The following TULP4 variants were observed in gnomAD, a reference collection of about 807,000 sequenced individuals.
TULP4 encodes the protein TUB like protein 4, also known as tubby-related protein 4.
TULP4 carries 16 observed loss-of-function variants against 129.0 expected under a neutral mutation model. The ratio of observed to expected loss-of-function variants is 0.12; its 90% confidence interval spans 0.08 to 0.19. The LOEUF (loss-of-function observed/expected upper bound fraction) is 0.19, where lower values mean the gene tolerates loss of function less well. Ranked by LOEUF, TULP4 falls within the 10% of genes least tolerant of loss-of-function variation. The pLI is 1.00. For missense variants in TULP4, 1,842 were observed against 2,059.1 expected (o/e 0.89, Z 2.04); for synonymous variants, 998 against 854.0 (o/e 1.17, Z -2.94).
intron 2 of TULP4, among the ~76,000 whole-genome samples, chr6:158,425,563 C>T (rs1162822951): frequency 2.7e-5 from 4 of 147,518 alleles, no homozygotes; most frequent in African/African-American, 1.0e-4. Context: ...TGTAAAATGA[C>T]GTAACCACTT....
In TULP4 at chr6:158,502,754, C is replaced by T. The variant is rs750760884; in HGVS notation, c.3091C>T (p.Pro1031Ser). ...GVVTQLPARP[P>S]PALYTCSQCS... ...GGTGACACAGCTCCCAGCGCGGCCC[C>T]CACCTGCCCTGTACACCTGCAGTCA... is the stretch of plus-strand genomic sequence containing the variant. Residue 1031 changes from proline to serine, a missense_variant, in exon 13 of 14, where the codon CCA (proline) becomes TCA (serine). By Grantham distance (74) the Pro-to-Ser change is moderately conservative. Around this residue, in one of 5 missense-constraint regions of TULP4, gnomAD observed 1,089 missense variants for 987.1 expected, o/e 1.10. Transcript: ENST00000367097. 2.3e-5 allele frequency: 37 copies of T among 1,592,676 alleles called. No individual in the cohort carries two copies. The highest frequency in any genetic ancestry group is 3.2e-5 in the Non-Finnish European group (37 of 1,171,590).
chr6:158,454,077 T>C (rs1312649211), intron 5 of TULP4, among the ~76,000 whole-genome samples: 1 of 142,384 alleles, frequency 7.0e-6, no homozygotes, highest in Non-Finnish European at 1.5e-5. Context: ...TAGAAACATA[T>C]TACATACCCT....
chr6:158,334,532 AAT>A (rs926024229), intron 1 of TULP4, among the ~76,000 whole-genome samples: 36 of 152,308 alleles, frequency 2.4e-4, no homozygotes, highest in African/African-American at 8.7e-4. Context: ...GACATGAGTA[AAT>A]AAGTTTTAGG....
chr6:158,375,540 G>A (rs1777164159), intron 1 of TULP4, among the ~76,000 whole-genome samples: 1 of 152,124 alleles, frequency 6.6e-6, no homozygotes, highest in Non-Finnish European at 1.5e-5. Context: ...GTTTCCTCTG[G>A]GGATGGAAGA....
At chr6:158,356,974 C>T (rs1780663417) in intron 1 of TULP4, among the ~76,000 whole-genome samples, 1 of 152,162 alleles carries the variant, frequency 6.6e-6, no homozygotes, top group Admixed American at 6.5e-5. Context: ...GGGGTAGGCA[C>T]TTCCATTTCC....
In TULP4 at chr6:158,243,847, G is replaced by GGTTGT. The variant is rs1554273473; in HGVS notation, n.68+11546_68+11547insTGTGT. Among the ~76,000 whole-genome samples the GGTTGT allele has an allele frequency of 1.3e-4, 18 of 143,604 alleles. No individual in the cohort carries two copies. The South Asian group carries it at 4.1e-3, about 33-fold the overall frequency. The allele number at this position is 143,604 out of a possible 152,430, so 94.2% of individuals were successfully genotyped here. A position where few individuals can be genotyped will look rare whatever the true frequency, so the allele number is the denominator to read the frequency against. Reference sequence around the variant, plus strand: ...TGTCATTTAGTTATTAGCTGAAATAGGTGTGTGTGTGTGTGTGTGTGTGTG... The same window carrying GGTTGT: ...TGTCATTTAGTTATTAGCTGAAATAGGTTGTGTGTGTGTGTGTGTGTGTGTGTGTG... On this transcript the variant is annotated intron_variant and non_coding_transcript_variant, in intron 1 of 1. Coordinates refer to the TULP4 transcript ENST00000620026.
intron 1 of TULP4, among the ~76,000 whole-genome samples, chr6:158,292,008 A>C (rs1778950703): frequency 6.6e-6 from 1 of 152,116 alleles, no homozygotes; most frequent in Admixed American, 6.5e-5. Flanking sequence ...ATGGTGACTT[A>C]TTTTGTGTGT....
Position 158,481,115 on chromosome 6 carries a change from G to T in TULP4, c.1312G>T (p.Glu438Ter). ...DFVSYPSAGN[E>*]RLHCTMKRTE... Reference sequence around the variant, plus strand: ...TGTCAGCTACCCATCAGCCGGCAACGAGCGGCTGCACTGCACCATGAAGCG... The same window carrying T: ...TGTCAGCTACCCATCAGCCGGCAACTAGCGGCTGCACTGCACCATGAAGCG... The change falls in exon 8 of 14, where the codon GAG (glutamate) becomes TAG (stop). Residue 438 changes from glutamate to a stop codon, truncating the protein, a stop_gained. Coordinates refer to ENST00000367097, the MANE Select transcript of TULP4 (RefSeq NM_020245.5). LOFTEE classifies it high-confidence loss of function. The T allele has an allele frequency of 6.2e-7, 1 of 1,601,184 alleles. No individual in the cohort carries two copies. Among genetic ancestry groups the T allele is most frequent in the South Asian group, 1.1e-5 (1 of 90,714 alleles).
At chr6:158,341,513 C>G (rs369224765) in intron 1 of TULP4, among the ~76,000 whole-genome samples, 3 of 152,168 alleles carry the variant, frequency 2.0e-5, no homozygotes, top group East Asian at 3.8e-4. Flanking sequence ...ATTCTCCATA[C>G]TAAACGTTCC....
At chr6:158,457,349 A>C (rs1483094871) in intron 5 of TULP4, among the ~76,000 whole-genome samples, 1 of 152,172 alleles carries the variant, frequency 6.6e-6, no homozygotes, top group East Asian at 1.9e-4. Flanking sequence ...CCTCTTCTGC[A>C]TCAGCCAGCA....
chr6:158,401,762 G>A (rs931098283), intron 1 of TULP4, among the ~76,000 whole-genome samples: 1 of 151,788 alleles, frequency 6.6e-6, no homozygotes, highest in African/African-American at 2.4e-5. Flanking sequence ...GACTAGCTCT[G>A]TACTTTTGGA....
At chr6:158,443,059 C>G (rs1259793058) in intron 3 of TULP4, among the ~76,000 whole-genome samples, 1 of 152,154 alleles carries the variant, frequency 6.6e-6, no homozygotes, top group Non-Finnish European at 1.5e-5. Context: ...TCTTGGCTCA[C>G]TGCAACCTCC....
chr6:158,337,583 C>T (rs988238507), intron 1 of TULP4, among the ~76,000 whole-genome samples: 4 of 152,190 alleles, frequency 2.6e-5, no homozygotes, highest in African/African-American at 9.6e-5. Context: ...TGATTCCCTT[C>T]CTGGAATTAA....
rs1779114291 is a variant in TULP4, at chr6:158,449,193, C to T, written c.724+17C>T. 3.7e-6 allele frequency: 6 copies of T among 1,601,586 alleles called. No homozygotes were observed. Among genetic ancestry groups the T allele is most frequent in the Non-Finnish European group, 5.1e-6 (6 of 1,173,408 alleles). ...CTCCCCAAGGTACTCATTGGCCCTA[C>T]TTTCCTTGTCACTGACCAGAAGGAC... On this transcript the variant is annotated intron_variant, in intron 4 of 13. Transcript: ENST00000367097.
At chr6:158,372,422 A>G (rs1777094599) in intron 1 of TULP4, among the ~76,000 whole-genome samples, 1 of 151,998 alleles carries the variant, frequency 6.6e-6, no homozygotes. Flanking sequence ...AGACTTACTG[A>G]GTTATGTAAT....
intron 1 of TULP4, among the ~76,000 whole-genome samples, chr6:158,342,902 G>T (rs1473115812): frequency 1.3e-5 from 2 of 151,762 alleles, no homozygotes; most frequent in African/African-American, 4.9e-5. Flanking sequence ...CTCAATAAAT[G>T]ATCACTGCTA....
intron 1 of TULP4, among the ~76,000 whole-genome samples, chr6:158,241,050 G>C (rs1452479395): frequency 7.5e-6 from 1 of 133,564 alleles, no homozygotes; most frequent in African/African-American, 2.7e-5. Context: ...GGGTAGAGAC[G>C]CTCCTCACCT....
intron 1 of TULP4, among the ~76,000 whole-genome samples, chr6:158,293,690 A>C (rs1338160033): frequency 6.6e-6 from 1 of 152,218 alleles, no homozygotes; most frequent in East Asian, 1.9e-4. Flanking sequence ...TCAATGGGAA[A>C]ATGATTTGAG....
rs750349343 is a variant in TULP4 at position 158,489,669 on chromosome 6, A to G, written c.1568A>G (p.Asp523Gly). Residue 523 changes from aspartate (D) to glycine (G), a missense_variant, in exon 9 of 14, where the codon GAT (aspartate) becomes GGT (glycine). This residue lies in a region of TULP4 where 456 missense variants were observed against 534.3 expected (regional missense o/e 0.85). Transcript: ENST00000367097. Reference sequence around the variant, plus strand: ...GACTCCAGTGACATTGAGCTGAGTGATGACTGGGCTGCCAAGAAATCTCCC... The same window carrying G: ...GACTCCAGTGACATTGAGCTGAGTGGTGACTGGGCTGCCAAGAAATCTCCC... ...CSDSSDIELS[D>G]DWAAKKSPKI... 5 of 1,614,208 alleles carry G rather than the reference A, an allele frequency of 3.1e-6. No homozygotes were observed. Among genetic ancestry groups the G allele is most frequent in the South Asian group, 2.2e-5 (2 of 91,080 alleles).
Sources: allele counts gnomAD v4.1 joint callset (sites outside exome capture counted in the v4.1 genomes callset), GRCh38; gene constraint gnomAD v4.1.1; regional missense constraint gnomAD v4.1.1; transcripts MANE v1.5; gene names NCBI Gene and HGNC (gene_info 2026-07-23, HGNC 2026-07-21).